The following CDYL2 variants were observed in gnomAD, a reference collection of about 807,000 sequenced individuals.
CDYL2 encodes chromodomain Y-like protein 2.
CDYL2 carries 23 observed loss-of-function variants against 49.4 expected under a neutral mutation model. That is an observed-to-expected ratio of 0.47 (90% CI 0.34 to 0.66). The LOEUF (loss-of-function observed/expected upper bound fraction) is 0.66. Among genes scored for constraint, CDYL2 ranks in the 30% least tolerant of loss-of-function variants. The pLI is 0.01. For synonymous variants in CDYL2, 360 were observed against 268.8 expected (o/e 1.34, Z -3.32); for missense variants, 678 against 656.4 (o/e 1.03, Z -0.36).
rs1055857386 is a variant in CDYL2, at chr16:80,630,241, C to A, written c.834+2778G>T. 3.3e-5 allele frequency among the ~76,000 whole-genome samples: 5 copies of A among 152,204 alleles called. No homozygotes were observed. In the East Asian group the frequency reaches 9.6e-4, roughly 29 times the overall value. On this transcript the variant is annotated intron_variant, in intron 3 of 6. Transcript: ENST00000570137. Reference sequence around the variant, plus strand: ...CCTCCTGTTCTGTAACCAACTGACACTGATTAGGGCAGGAACCCCAATTAA... The same window carrying A: ...CCTCCTGTTCTGTAACCAACTGACAATGATTAGGGCAGGAACCCCAATTAA...
intron 3 of CDYL2, among the ~76,000 whole-genome samples, chr16:80,631,878 G>T (rs969226048): frequency 1.5e-4 from 23 of 152,120 alleles, no homozygotes; most frequent in Admixed American, 2.6e-4. Context: ...TAATAAAAAA[G>T]ACAGACGTAA....
intron 1 of CDYL2, among the ~76,000 whole-genome samples, chr16:80,699,910 C>T (rs1904292148): frequency 2.0e-5 from 3 of 151,810 alleles, no homozygotes; most frequent in East Asian, 1.9e-4. Flanking sequence ...CTCTGTCGCC[C>T]AGGCCGGAGT....
intron 1 of CDYL2, among the ~76,000 whole-genome samples, chr16:80,702,291 T>C (rs1254090122): frequency 6.6e-6 from 1 of 152,014 alleles, no homozygotes; most frequent in East Asian, 1.9e-4. Flanking sequence ...AGACATCCCA[T>C]GTTCAAAATA....
At chr16:80,748,857 G>C (rs1005898059) in intron 1 of CDYL2, among the ~76,000 whole-genome samples, 1 of 152,128 alleles carries the variant, frequency 6.6e-6, no homozygotes, top group African/African-American at 2.4e-5. Context: ...GACCCAGTTT[G>C]GGCATGGATA....
At position 80,620,789 on chromosome 16, in the gene CDYL2, C is replaced by G; in HGVS notation, c.981G>C (p.Glu327Asp). ...IGRLSSDRRK[E>D]STRIAEAIRD... The stretch of plus-strand genomic sequence containing the variant: ...TGATGGCTTCTGCAATCCGAGTGCT[C>G]TCCTTTCGCCGGTCGCTGGACAACC... Residue 327 changes from glutamate to aspartate, a missense_variant, in exon 4 of 7, where the codon GAG (glutamate) becomes GAC (aspartate). Around this residue, in one of 3 missense-constraint regions of CDYL2, gnomAD observed 478 missense variants for 427.0 expected, o/e 1.12. Transcript: ENST00000570137. 1.9e-6 allele frequency: 3 copies of G among 1,608,070 alleles called. No individual in the cohort carries two copies. Among genetic ancestry groups the G allele is most frequent in the Non-Finnish European group, 2.6e-6 (3 of 1,175,950 alleles).
intron 1 of CDYL2, among the ~76,000 whole-genome samples, chr16:80,714,446 A>T (rs1208982130): frequency 6.6e-6 from 1 of 152,226 alleles, no homozygotes; most frequent in African/African-American, 2.4e-5. Context: ...GTATCCCATA[A>T]ATATGTACAA....
At chr16:80,769,693 C>A (rs982861181) in intron 1 of CDYL2, among the ~76,000 whole-genome samples, 1 of 152,190 alleles carries the variant, frequency 6.6e-6, no homozygotes, top group African/African-American at 2.4e-5. Flanking sequence ...TGGGTAGAAT[C>A]TCAGTTCAAC....
rs1378626823 is a variant in CDYL2, at chr16:80,600,881, T to A, written c.*3507A>T. ...ATTTTTAAATGTGGATATTCAGAGA[T>A]ACAGTTGCATTGTTCAAAGTCTACT... On this transcript the variant is annotated 3_prime_UTR_variant, in exon 7 of 7. Coordinates refer to ENST00000570137, the MANE Select transcript of CDYL2 (RefSeq NM_152342.4). The A allele has an allele frequency of 6.6e-6, 1 of 152,238 alleles. No individual in the cohort carries two copies. Among genetic ancestry groups the A allele is most frequent in the Non-Finnish European group, 1.5e-5 (1 of 68,038 alleles). 9.4% of individuals were successfully genotyped at this position (152,238 alleles called of 1,614,324 possible).
rs761435627 is a variant in CDYL2, at chr16:80,599,148, T to G, written c.*5240A>C. Reference sequence around the variant, plus strand: ...CAGGCTAGATGTTGGATCAATGATATAAGGTTAAGCCATAAAAACACCAGA... The same window carrying G: ...CAGGCTAGATGTTGGATCAATGATAGAAGGTTAAGCCATAAAAACACCAGA... On this transcript the variant is annotated 3_prime_UTR_variant, in exon 7 of 7. Coordinates refer to ENST00000570137, the MANE Select transcript of CDYL2 (RefSeq NM_152342.4). The G allele has an allele frequency of 2.0e-5, 3 of 152,062 alleles. No homozygotes were observed. Among genetic ancestry groups the G allele is most frequent in the Non-Finnish European group, 2.9e-5 (2 of 68,016 alleles). 9.4% of individuals were successfully genotyped at this position (152,062 alleles called of 1,614,324 possible). A position where few individuals can be genotyped will look rare whatever the true frequency, so the allele number is the denominator to read the frequency against.
At chr16:80,643,720 T>C (rs1908207349) in intron 2 of CDYL2, among the ~76,000 whole-genome samples, 1 of 152,244 alleles carries the variant, frequency 6.6e-6, no homozygotes, top group Admixed American at 6.5e-5. Context: ...CCAAGCTGTA[T>C]GTTGGCCCCT....
chr16:80,685,500 C>T (rs1478389192), intron 1 of CDYL2, among the ~76,000 whole-genome samples: 1 of 152,138 alleles, frequency 6.6e-6, no homozygotes, highest in African/African-American at 2.4e-5. Context: ...CTATTAAAGA[C>T]CAATTTGGTG....
intron 1 of CDYL2, among the ~76,000 whole-genome samples, chr16:80,784,302 T>C (rs375890703): frequency 1.3e-5 from 2 of 152,228 alleles, no homozygotes; most frequent in South Asian, 2.1e-4. Context: ...GTTATGAATG[T>C]TCCTCTGAGT....
chr16:80,674,602 G>A (rs76980658), intron 2 of CDYL2, among the ~76,000 whole-genome samples: 3,887 of 152,226 alleles, frequency 0.026, 63 homozygotes, highest in African/African-American at 0.047. Context: ...GTACCCATTA[G>A]CAGTCATTCC....
At chr16:80,661,698 G>C (rs995897701) in intron 2 of CDYL2, among the ~76,000 whole-genome samples, 1 of 152,156 alleles carries the variant, frequency 6.6e-6, no homozygotes, top group South Asian at 2.1e-4. Context: ...CCAGAGCCTA[G>C]TCTTTGCTGA....
At chr16:80,627,393 A>G (rs1477382334) in intron 3 of CDYL2, among the ~76,000 whole-genome samples, 1 of 152,252 alleles carries the variant, frequency 6.6e-6, no homozygotes, top group Non-Finnish European at 1.5e-5. Context: ...CTACTTCTCA[A>G]TTCGTTAAGA....
intron 1 of CDYL2, among the ~76,000 whole-genome samples, chr16:80,758,188 G>A (rs548385922): frequency 1.5e-4 from 23 of 152,232 alleles, no homozygotes; most frequent in African/African-American, 5.3e-4. Context: ...AATAATCGGT[G>A]TTAGACACCA....
intron 2 of CDYL2, among the ~76,000 whole-genome samples, chr16:80,640,559 A>G (rs1908039209): frequency 6.6e-6 from 1 of 152,118 alleles, no homozygotes; most frequent in Non-Finnish European, 1.5e-5. Flanking sequence ...ACAAACATCT[A>G]CAAGAATCAA....
chr16:80,746,709 G>A (rs193069438), intron 1 of CDYL2, among the ~76,000 whole-genome samples: 14 of 152,276 alleles, frequency 9.2e-5, no homozygotes, highest in African/African-American at 2.9e-4. Flanking sequence ...GTGTGAGGGT[G>A]TGGGGCAGGG....
chr16:80,711,072 T>C (rs1393222289), intron 1 of CDYL2, among the ~76,000 whole-genome samples: 2 of 152,220 alleles, frequency 1.3e-5, no homozygotes, highest in Admixed American at 6.5e-5. Flanking sequence ...CTCACAAACA[T>C]GCAGGGCAAA....
Sources: gnomAD v4.1 joint callset for allele counts (sites outside exome capture counted in the v4.1 genomes callset) on GRCh38, gnomAD v4.1.1 for gene constraint, gnomAD v4.1.1 regional missense constraint, MANE v1.5 for transcripts, NCBI Gene and HGNC (gene_info 2026-07-23, HGNC 2026-07-21) for gene names.